WNT5B: variants seen among roughly 807,000 people sequenced by gnomAD.
WNT5B encodes Wnt family member 5B.
In WNT5B, 18 loss-of-function variants were observed where a neutral mutation model predicts 36.5. The ratio of observed to expected loss-of-function variants is 0.49; its 90% confidence interval spans 0.34 to 0.73. The LOEUF is 0.73. WNT5B is among the 30% of genes least tolerant of loss of function. WNT5B has a pLI of 0.01. For missense variants in WNT5B, 424 were observed against 508.4 expected, an observed-to-expected ratio of 0.83 and a Z score of 1.60; for synonymous variants, 213 against 212.3, an observed-to-expected ratio of 1.00 and a Z score of -0.03.
Position 1,632,773 on chromosome 12 carries a change from C to T in WNT5B, c.196C>T (p.Gln66Ter). The change falls in exon 3 of 5, where the codon CAG becomes TAG. Residue 66 changes from glutamine to a stop codon, truncating the protein, a stop_gained. Transcript: ENST00000397196. LOFTEE classifies it high-confidence loss of function. The surrounding 1 kb of genome is among the most constrained non-coding windows in gnomAD (Gnocchi z 5.8). Reference protein sequence around the residue: ...PGQRKLCQLYQEHMAYIGEGA... With the variant: ...PGQRKLCQLY Reference sequence around the variant, plus strand: ...CCAGAGGAAGCTGTGCCAATTGTACCAGGAGCACATGGCCTACATAGGGGA... The same window carrying T: ...CCAGAGGAAGCTGTGCCAATTGTACTAGGAGCACATGGCCTACATAGGGGA... 1 of 1,614,174 alleles carries T rather than the reference C, an allele frequency of 6.2e-7. No individual in the cohort carries two copies. The highest frequency in any genetic ancestry group is 1.1e-5 in the South Asian group (1 of 91,080).
chr12:1,639,654 C>G, intron 3 of WNT5B, 30 bp from the exon 4 acceptor site: 1 of 1,475,968 alleles, frequency 6.8e-7, no homozygotes, highest in Non-Finnish European at 8.9e-7. Context: ...GGAGAGCGCA[C>G]CCGCTTACCG....
intron 4 of WNT5B, among the ~76,000 whole-genome samples, chr12:1,643,380 T>C (rs2369972): frequency 0.65 from 98,134 of 152,030 alleles, 32,056 homozygotes; most frequent in East Asian, 0.73. Flanking sequence ...TTCTTTTTTT[T>C]TGAGACGGAG....
chr12:1,645,861 C>G lies in WNT5B; in HGVS notation c.689C>G (p.Thr230Ser). ...GTCTCGGGGTCCTGCAGCCTCAAGA[C>G]CTGCTGGCTGCAGCTGGCCGAGTTC... ...HGVSGSCSLK[T>S]CWLQLAEFRK... Residue 230 changes from threonine to serine, a missense_variant, in exon 5 of 5, where the codon ACC becomes AGC. By Grantham distance (58) the Thr-to-Ser change is moderately conservative. Transcript: ENST00000397196. The G allele has an allele frequency of 6.2e-7, 1 of 1,611,400 alleles. No individual in the cohort carries two copies. Among genetic ancestry groups the G allele is most frequent in the Non-Finnish European group, 8.5e-7 (1 of 1,179,096 alleles).
intron 1 of WNT5B, among the ~76,000 whole-genome samples, chr12:1,620,153 T>C (rs1244512525): frequency 6.6e-6 from 1 of 152,144 alleles, no homozygotes; most frequent in Admixed American, 6.5e-5. Flanking sequence ...CATCACCAGG[T>C]TGGAAAATAG....
intron 3 of WNT5B, 78 bp from the exon 4 acceptor site, chr12:1,639,606 G>T: frequency 1.4e-6 from 2 of 1,418,492 alleles, no homozygotes; most frequent in Non-Finnish European, 1.8e-6. Flanking sequence ...GTGCGGGTCC[G>T]TCGGGGGAGA....
rs1457363512 is a variant in WNT5B, at chr12:1,630,192, C to A, written c.-58+821C>A. 2 of 985,214 alleles carry A rather than the reference C, an allele frequency of 2.0e-6. No individual in the cohort carries two copies. Among genetic ancestry groups the A allele is most frequent in the African/African-American group, 3.5e-5 (2 of 57,204 alleles). 61.0% of individuals were successfully genotyped at this position (985,214 alleles called of 1,614,324 possible). ...GGGACGCCGACGCGCGAGAGTGGCG[C>A]AGTGAGCCGGGGCGCGCGGGGCTGC... On this transcript the variant is annotated intron_variant, in intron 1 of 4. Coordinates refer to ENST00000397196, the MANE Select transcript of WNT5B (RefSeq NM_032642.3). This position sits in a 1 kb window ranked among gnomAD's most constrained non-coding sequence, Gnocchi z 5.3.
chr12:1,639,792 CGGCGCGGCCCAAGGACCTGCCCCGGGACT>C lies in WNT5B; in HGVS notation c.441_469del (p.Arg148ValfsTer54). 1.2e-6 allele frequency: 2 copies of C among 1,611,616 alleles called. No homozygotes were observed. Among genetic ancestry groups the C allele is most frequent in the Non-Finnish European group, 1.7e-6 (2 of 1,178,994 alleles). ...CTCTCCACCTGCGGCTGCAGCCGGA[CGGCGCGGCCCAAGGACCTGCCCCGGGACT>C]GGCTGTGGGGCGGCTGTGGGGACAA... On this transcript the variant is annotated frameshift_variant, in exon 4 of 5. Transcript: ENST00000397196. LOFTEE classifies it high-confidence loss of function.
chr12:1,623,177 G>GTTTTTT (rs1565603144), intron 1 of WNT5B, among the ~76,000 whole-genome samples: 9 of 98,246 alleles, frequency 9.2e-5, no homozygotes, highest in African/African-American at 2.6e-4. Context: ...CCTTTGAAGG[G>GTTTTTT]TTTTTTGTTG....
upstream of WNT5B, among the ~76,000 whole-genome samples, chr12:1,626,475 C>T (rs1592519395): frequency 6.6e-6 from 1 of 151,902 alleles, no homozygotes; most frequent in Non-Finnish European, 1.5e-5. Context: ...GTTGATCAGG[C>T]TGGTCTCGAA....
rs895617756 is a variant in WNT5B, at chr12:1,618,248, G to A, written c.-58+1105G>A. On this transcript the variant is annotated intron_variant, in intron 1 of 4. Coordinates refer to the WNT5B transcript ENST00000310594. This position sits in a 1 kb window ranked among gnomAD's most constrained non-coding sequence, Gnocchi z 4.1. ...TACGCTCCATTTTGCAAACACAGTA[G>A]TACCTCTACTTGGTAGCACAAGACA... Among the ~76,000 whole-genome samples, 3 of 152,186 alleles carry A rather than the reference G, an allele frequency of 2.0e-5. No homozygotes were observed. The highest frequency in any genetic ancestry group is 2.9e-5 in the Non-Finnish European group (2 of 68,032).
chr12:1,636,567 G>T (rs1299490456), intron 3 of WNT5B, among the ~76,000 whole-genome samples: 6 of 129,408 alleles, frequency 4.6e-5, no homozygotes, highest in African/African-American at 1.5e-4. Context: ...TTGAGACAGG[G>T]TCTTACTCTG....
At chr12:1,641,275 A>C (rs1401305414) in intron 4 of WNT5B, among the ~76,000 whole-genome samples, 2 of 151,956 alleles carry the variant, frequency 1.3e-5, no homozygotes, top group Non-Finnish European at 2.9e-5. Flanking sequence ...AATCCCAGCT[A>C]CTTGGGAGGC....
At chr12:1,623,598 T>C (rs1478008489) in intron 1 of WNT5B, among the ~76,000 whole-genome samples, 1 of 152,212 alleles carries the variant, frequency 6.6e-6, no homozygotes, top group Non-Finnish European at 1.5e-5. Flanking sequence ...TTTTGTGCTA[T>C]CGAAGTAAGA....
At position 1,646,146 on chromosome 12, in the gene WNT5B, A is replaced by G. The variant is rs536418040; in HGVS notation, c.974A>G (p.Gln325Arg). ...ELMCCGRGYN[Q>R]FKSVQVERCH... is the part of the protein sequence containing the mutation. ...ATGTGCTGCGGGCGTGGCTACAACC[A>G]GTTCAAGAGCGTGCAGGTGGAGCGC... Residue 325 changes from glutamine to arginine, a missense_variant, in exon 5 of 5, where the codon CAG becomes CGG. Physicochemically the swap from Gln to Arg is conservative, Grantham distance 43 (BLOSUM62 1). Coordinates refer to ENST00000397196, the MANE Select transcript of WNT5B (RefSeq NM_032642.3). 6.2e-7 allele frequency: 1 copy of G among 1,613,824 alleles called. No individual in the cohort carries two copies. The highest frequency in any genetic ancestry group is 1.1e-5 in the South Asian group (1 of 91,082).
In WNT5B at chr12:1,633,017, G is replaced by A; in HGVS notation, c.328+112G>A. The A allele has an allele frequency of 2.1e-6, 3 of 1,457,974 alleles. No individual in the cohort carries two copies. Among genetic ancestry groups the A allele is most frequent in the Non-Finnish European group, 2.7e-6 (3 of 1,093,836 alleles). 90.3% of individuals were successfully genotyped at this position (1,457,974 alleles called of 1,614,324 possible). On this transcript the variant is annotated intron_variant, in intron 3 of 4. Transcript: ENST00000397196. This position sits in a 1 kb window ranked among gnomAD's most constrained non-coding sequence, Gnocchi z 4.8. ...GAGAGCCCAAAGGCAGCCTAAGTGG[G>A]CTCTCTCTAGGCTTGGCAGCAGTGT... is the stretch of plus-strand genomic sequence containing the variant.
At position 1,631,340 on chromosome 12, in the gene WNT5B, G is replaced by C; in HGVS notation, c.-15G>C. On this transcript the variant is annotated 5_prime_UTR_variant, in exon 2 of 5. Transcript: ENST00000397196. The stretch of plus-strand genomic sequence containing the variant: ...ACTGTCAGTCCCAGGGCACTGGGGA[G>C]GGCTGAGGCCGACCATGCCCAGCCT... The C allele has an allele frequency of 1.2e-6, 2 of 1,614,016 alleles. No homozygotes were observed. The highest frequency in any genetic ancestry group is 1.7e-6 in the Non-Finnish European group (2 of 1,179,930).
At chr12:1,642,716 G>A (rs142921858) in intron 4 of WNT5B, among the ~76,000 whole-genome samples, 3 of 152,230 alleles carry the variant, frequency 2.0e-5, no homozygotes, top group African/African-American at 7.2e-5. Context: ...GCCCTTAATT[G>A]TTTGTTGTCT....
intron 1 of WNT5B, among the ~76,000 whole-genome samples, chr12:1,621,327 G>A (rs976072758): frequency 1.3e-5 from 2 of 152,132 alleles, no homozygotes; most frequent in South Asian, 2.1e-4. Context: ...ATGAAGGTGT[G>A]TAATCAATCA....
intron 1 of WNT5B, among the ~76,000 whole-genome samples, chr12:1,623,547 C>G (rs930676342): frequency 6.6e-6 from 1 of 152,090 alleles, no homozygotes; most frequent in African/African-American, 2.4e-5. Context: ...AAGCTTTGAA[C>G]AGAGCTCCTC....
Sources: gnomAD v4.1 joint callset for allele counts (sites outside exome capture counted in the v4.1 genomes callset) on GRCh38, gnomAD v4.1.1 for gene constraint, Gnocchi (gnomAD v3.1) non-coding constraint, MANE v1.5 for transcripts, NCBI Gene and HGNC (gene_info 2026-07-23, HGNC 2026-07-21) for gene names.